CADPS: variants seen among roughly 807,000 people sequenced by gnomAD.
CADPS encodes the protein calcium dependent secretion activator.
In CADPS, 57 loss-of-function variants were observed where a neutral mutation model predicts 167.3. The ratio of observed to expected loss-of-function variants is 0.34; its 90% confidence interval spans 0.28 to 0.42. The LOEUF is 0.42. CADPS is among the 20% of genes least tolerant of loss of function. CADPS has a pLI of 1.00. For synonymous variants in CADPS, 676 were observed against 635.3 expected (o/e 1.06, Z -0.96); for missense variants, 1,414 against 1,738.1 (o/e 0.81, Z 3.32).
At chr3:62,625,019 A>G (rs2063798055) in intron 6 of CADPS, among the ~76,000 whole-genome samples, 1 of 144,228 alleles carries the variant, frequency 6.9e-6, no homozygotes, top group African/African-American at 2.9e-5. Context: ...TGTGGGATCC[A>G]TGGGAGACAG....
At chr3:62,447,880 C>CT (rs202192323) in intron 26 of CADPS, among the ~76,000 whole-genome samples, 12 of 151,252 alleles carry the variant, frequency 7.9e-5, no homozygotes, top group South Asian at 2.1e-4. Flanking sequence ...GGTGGCTTGC[C>CT]TTTTTTTTTC....
At chr3:62,774,165 G>T (rs982130349) in intron 1 of CADPS, among the ~76,000 whole-genome samples, 1 of 152,036 alleles carries the variant, frequency 6.6e-6, no homozygotes, top group Admixed American at 6.6e-5. Flanking sequence ...AAGAGGAAAA[G>T]GATCAAAGGG....
intron 1 of CADPS, among the ~76,000 whole-genome samples, chr3:62,826,230 T>C (rs573010895): frequency 4.6e-5 from 7 of 152,224 alleles, no homozygotes; most frequent in African/African-American, 1.4e-4. Flanking sequence ...ATCAGACTTA[T>C]CAAAAAGAGA....
intron 6 of CADPS, among the ~76,000 whole-genome samples, chr3:62,594,225 G>A (rs1254369940): frequency 1.3e-5 from 2 of 148,786 alleles, no homozygotes; most frequent in East Asian, 3.9e-4. Context: ...GCAGTGGCGG[G>A]ATCTCGGCTC....
intron 1 of CADPS, among the ~76,000 whole-genome samples, chr3:62,778,998 C>T (rs1488712515): frequency 6.6e-6 from 1 of 151,878 alleles, no homozygotes; most frequent in Non-Finnish European, 1.5e-5. Flanking sequence ...TCAAGCAATT[C>T]TGTCTCAGCC....
At chr3:62,813,809 A>G (rs1212841579) in intron 1 of CADPS, among the ~76,000 whole-genome samples, 1 of 152,182 alleles carries the variant, frequency 6.6e-6, no homozygotes, top group African/African-American at 2.4e-5. Flanking sequence ...ATGAACAGAC[A>G]CTTCTCAAAA....
chr3:62,565,901 C>CA (rs2080081164), intron 9 of CADPS, among the ~76,000 whole-genome samples: 1 of 152,038 alleles, frequency 6.6e-6, no homozygotes, highest in Non-Finnish European at 1.5e-5. Context: ...ACGTTATAAG[C>CA]AAAAAAGTAG....
At chr3:62,785,987 C>T (rs1008540808) in intron 1 of CADPS, among the ~76,000 whole-genome samples, 6 of 149,268 alleles carry the variant, frequency 4.0e-5, no homozygotes, top group African/African-American at 7.4e-5. Context: ...CTGAGACAGG[C>T]GGATCATTTG....
chr3:62,749,027 T>C (rs2082129570), intron 3 of CADPS, among the ~76,000 whole-genome samples: 2 of 147,116 alleles, frequency 1.4e-5, no homozygotes, highest in Non-Finnish European at 2.9e-5. Flanking sequence ...TCAACTCAAA[T>C]AGCTACATAA....
At chr3:62,543,979 T>C (rs1198512048) in intron 11 of CADPS, among the ~76,000 whole-genome samples, 1 of 152,120 alleles carries the variant, frequency 6.6e-6, no homozygotes, top group Non-Finnish European at 1.5e-5. Flanking sequence ...CAAATACAAA[T>C]GATGTCAAAA....
chr3:62,857,427 C>G (rs1488536618), intron 1 of CADPS, among the ~76,000 whole-genome samples: 4 of 151,864 alleles, frequency 2.6e-5, no homozygotes, highest in Non-Finnish European at 4.4e-5. Flanking sequence ...AAGGTAAGTA[C>G]ACAAAGATGC....
intron 9 of CADPS, among the ~76,000 whole-genome samples, chr3:62,570,462 A>G (rs531209987): frequency 3.3e-4 from 50 of 152,300 alleles, no homozygotes; most frequent in Middle Eastern, 6.8e-3. Flanking sequence ...TCAAAATACT[A>G]CATTGTTTTC....
At chr3:62,636,365 G>A (rs115443093) in intron 6 of CADPS, among the ~76,000 whole-genome samples, 1 of 152,258 alleles carries the variant, frequency 6.6e-6, no homozygotes, top group Non-Finnish European at 1.5e-5. Flanking sequence ...TTTCCACCCA[G>A]ACTGCAGCTG....
At chr3:62,780,930 G>T (rs1375014038) in intron 1 of CADPS, among the ~76,000 whole-genome samples, 1 of 152,100 alleles carries the variant, frequency 6.6e-6, no homozygotes, top group East Asian at 1.9e-4. Context: ...ACTTATCATA[G>T]GGCTTGGCAG....
At chr3:62,503,860 C>G (rs1269056014) in intron 17 of CADPS, among the ~76,000 whole-genome samples, 2 of 152,280 alleles carry the variant, frequency 1.3e-5, no homozygotes, top group East Asian at 3.9e-4. Context: ...TTCTGCAATT[C>G]TCTCTCTTTA....
At chr3:62,665,007 C>A (rs2074150960) in intron 3 of CADPS, among the ~76,000 whole-genome samples, 1 of 152,046 alleles carries the variant, frequency 6.6e-6, no homozygotes, top group Admixed American at 6.6e-5. Flanking sequence ...AGGAACAAGT[C>A]CCTGACTCCA....
At position 62,550,020 on chromosome 3, in the gene CADPS, G is replaced by A. The variant is rs1361852892; in HGVS notation, c.1849C>T (p.Gln617Ter). The change falls in exon 11 of 30, where the codon CAG becomes TAG. Residue 617 changes from glutamine (Q) to a stop codon, truncating the protein, a stop_gained. Coordinates refer to ENST00000383710, the MANE Select transcript of CADPS (RefSeq NM_003716.4). LOFTEE classifies it high-confidence loss of function. Reference sequence around the variant, plus strand: ...TGCCCCGTGGCCCGATACATGGCCTGGACCCACAGGATGCGGTCTTGTTCA... The same window carrying A: ...TGCCCCGTGGCCCGATACATGGCCTAGACCCACAGGATGCGGTCTTGTTCA... ...DDEQDRILWV[Q>*]AMYRATGQSH... The A allele has an allele frequency of 6.2e-7, 1 of 1,613,936 alleles. No homozygotes were observed. The highest frequency in any genetic ancestry group is 8.5e-7 in the Non-Finnish European group (1 of 1,179,962).
chr3:62,737,179 C>T (rs1252287778), intron 3 of CADPS, among the ~76,000 whole-genome samples: 2 of 151,718 alleles, frequency 1.3e-5, no homozygotes, highest in African/African-American at 2.4e-5. Context: ...CAAAAATAAC[C>T]CCCACAATCT....
chr3:62,787,220 A>G (rs2092537992), intron 1 of CADPS, among the ~76,000 whole-genome samples: 1 of 152,108 alleles, frequency 6.6e-6, no homozygotes, highest in African/African-American at 2.4e-5. Context: ...ACTTGAGTCC[A>G]GGAGGCGGAG....
Sources: gnomAD v4.1 joint callset for allele counts (sites outside exome capture counted in the v4.1 genomes callset) on GRCh38, gnomAD v4.1.1 for gene constraint, MANE v1.5 for transcripts, NCBI Gene and HGNC (gene_info 2026-07-23, HGNC 2026-07-21) for gene names.